The following RASSF3 variants were observed in gnomAD, a reference collection of about 807,000 sequenced individuals.
RASSF3 encodes the protein ras association domain-containing protein 3.
In RASSF3, 19 loss-of-function variants were observed where a neutral mutation model predicts 19.9. The ratio of observed to expected loss-of-function variants is 0.96; its 90% CI spans 0.67 to 1.40. The LOEUF (loss-of-function observed/expected upper bound fraction) is 1.40. Among genes scored for constraint, RASSF3 ranks in the 40% most tolerant of loss-of-function variants. The probability of loss-of-function intolerance (pLI) is 0.00; values close to 1 mark genes in which losing one functional copy is unlikely to be tolerated. For missense variants in RASSF3, 306 were observed against 289.8 expected, an observed-to-expected ratio of 1.06 and a Z score of -0.41; for synonymous variants, 110 against 104.2, an observed-to-expected ratio of 1.06 and a Z score of -0.34.
chr12:64,665,066 G>A lies in RASSF3; in HGVS notation c.112-19721G>A, dbSNP rs76314924. Among the ~76,000 whole-genome samples the A allele has an allele frequency of 7.7e-4, 117 of 152,262 alleles. 2 individuals are homozygous for A. In the East Asian group the frequency reaches 0.019, roughly 25 times the overall value. The stretch of plus-strand genomic sequence containing the variant: ...AAAAGTCAGAGTTCAGGATGAAAAG[G>A]TATGAAGTCCTCTGTTGGTCATAGT... On this transcript the variant is annotated intron_variant, in intron 1 of 4. Transcript: ENST00000542104.
intron 3 of RASSF3, 96 bp from the exon 4 acceptor site, chr12:64,691,374 G>C: frequency 1.2e-6 from 1 of 805,408 alleles, no homozygotes; most frequent in East Asian, 2.6e-5. Flanking sequence ...GGGTAACTTG[G>C]ATGGTTACCT....
At chr12:64,604,637 C>CTT (rs781319836) in intron 2 of RASSF3, among the ~76,000 whole-genome samples, 3 of 145,590 alleles carry the variant, frequency 2.1e-5, no homozygotes, top group Admixed American at 6.8e-5. Flanking sequence ...GTAACCAACT[C>CTT]TTTTTTTTTT....
At position 64,625,445 on chromosome 12, in the gene RASSF3, C is replaced by CTT. The variant is rs398044420; in HGVS notation, c.111+14715_111+14716dup. Among the ~76,000 whole-genome samples, 27 of 144,888 alleles carry CTT rather than the reference C, an allele frequency of 1.9e-4. No individual in the cohort carries two copies. In the East Asian group the frequency reaches 3.0e-3, roughly 16 times the overall value. On this transcript the variant is annotated intron_variant, in intron 1 of 4. Coordinates refer to ENST00000542104, the MANE Select transcript of RASSF3 (RefSeq NM_178169.4). ...TATGTATAAGTTAACACATTGTACA[C>CTT]TTTTTTTTTTTTTTAAACTTCCTCT...
At chr12:64,610,823 G>T in intron 1 of RASSF3, 80 bp downstream of exon 1, 3 of 834,584 alleles carry the variant, frequency 3.6e-6, no homozygotes, top group Non-Finnish European at 5.3e-6. Context: ...CTGCCTCCAC[G>T]TGTCTCTGCG....
intron 2 of RASSF3, among the ~76,000 whole-genome samples, chr12:64,558,411 A>G (rs570818894): frequency 6.6e-6 from 1 of 152,204 alleles, no homozygotes; most frequent in South Asian, 2.1e-4. Context: ...AAAAATTTTC[A>G]TACTCCATGG....
chr12:64,677,289 T>C (rs1393895370), intron 1 of RASSF3, among the ~76,000 whole-genome samples: 1 of 152,238 alleles, frequency 6.6e-6, no homozygotes. Context: ...TTTCCTCCAC[T>C]GCAGAAAATA....
intron 3 of RASSF3, among the ~76,000 whole-genome samples, chr12:64,688,700 TGTG>T (rs1374135131): frequency 1.3e-5 from 2 of 151,792 alleles, no homozygotes; most frequent in Non-Finnish European, 2.9e-5. Context: ...ACGAGTATTT[TGTG>T]GTGTTGGTGG....
At chr12:64,678,664 A>AAC (rs1555216123) in intron 1 of RASSF3, among the ~76,000 whole-genome samples, 1 of 151,020 alleles carries the variant, frequency 6.6e-6, no homozygotes, top group African/African-American at 2.4e-5. Context: ...AAAAAAAAAA[A>AAC]ACCAAACAAA....
At chr12:64,541,285 C>T (rs1396055208) in intron 1 of RASSF3, among the ~76,000 whole-genome samples, 2 of 152,066 alleles carry the variant, frequency 1.3e-5, no homozygotes, top group Non-Finnish European at 2.9e-5. Context: ...AGCGCCCGGC[C>T]AATGTTGTCT....
chr12:64,655,881 G>A (rs749173706), intron 1 of RASSF3, among the ~76,000 whole-genome samples: 1 of 151,782 alleles, frequency 6.6e-6, no homozygotes, highest in Non-Finnish European at 1.5e-5. Flanking sequence ...ATGAAAATTA[G>A]CCGGGCGTGA....
At chr12:64,585,808 G>A (rs1286740769) in intron 2 of RASSF3, among the ~76,000 whole-genome samples, 1 of 151,848 alleles carries the variant, frequency 6.6e-6, no homozygotes, top group Non-Finnish European at 1.5e-5. Flanking sequence ...GTCTCACCAC[G>A]TTGTCCAGGC....
In RASSF3 at chr12:64,651,506, C is replaced by A. The variant is rs534914965; in HGVS notation, c.112-33281C>A. On this transcript the variant is annotated intron_variant, in intron 1 of 4. Transcript: ENST00000542104. ...TCCCATGTAGCTGGGATTACAGGCG[C>A]CTGCCACCACACCCGGGTGATTTTT... 1.3e-4 allele frequency among the ~76,000 whole-genome samples: 20 copies of A among 152,112 alleles called. No homozygotes were observed. In the East Asian group the frequency reaches 1.4e-3, roughly 10 times the overall value.
chr12:64,585,758 G>A (rs1249887746), intron 2 of RASSF3, among the ~76,000 whole-genome samples: 3 of 151,924 alleles, frequency 2.0e-5, no homozygotes, highest in African/African-American at 7.2e-5. Context: ...GCATGTGCCA[G>A]CAAGCCTGGT....
At chr12:64,639,830 C>T (rs1871452373) in intron 1 of RASSF3, among the ~76,000 whole-genome samples, 2 of 152,192 alleles carry the variant, frequency 1.3e-5, no homozygotes, top group South Asian at 2.1e-4. Flanking sequence ...CTTCTCCAAA[C>T]ACTTAACTAC....
chr12:64,653,101 C>G (rs1872022297), intron 1 of RASSF3, among the ~76,000 whole-genome samples: 1 of 152,188 alleles, frequency 6.6e-6, no homozygotes, highest in Non-Finnish European at 1.5e-5. Context: ...TAGGGTCTCA[C>G]TGTGTCACCC....
At chr12:64,642,846 T>C (rs1400580244) in intron 1 of RASSF3, among the ~76,000 whole-genome samples, 3 of 151,452 alleles carry the variant, frequency 2.0e-5, no homozygotes, top group Non-Finnish European at 4.4e-5. Flanking sequence ...TTTATGACTT[T>C]GGGCAAGTTT....
At chr12:64,582,895 A>G (rs1363284922) in intron 2 of RASSF3, among the ~76,000 whole-genome samples, 1 of 152,014 alleles carries the variant, frequency 6.6e-6, no homozygotes. Flanking sequence ...TTATTTTCTC[A>G]TTTCTCACAT....
intron 2 of RASSF3, among the ~76,000 whole-genome samples, chr12:64,572,111 T>TTG (rs71278247): frequency 0.056 from 8,523 of 151,110 alleles, 276 homozygotes; most frequent in Middle Eastern, 0.089. Flanking sequence ...AATTGTAGAC[T>TTG]TGTGTGTGTG....
chr12:64,694,178 G>C (rs1868322629), intron 4 of RASSF3, among the ~76,000 whole-genome samples: 1 of 152,148 alleles, frequency 6.6e-6, no homozygotes, highest in African/African-American at 2.4e-5. Flanking sequence ...TCTAAGCAGG[G>C]GAGAGTCTTG....
Sources: allele counts gnomAD v4.1 joint callset (sites outside exome capture counted in the v4.1 genomes callset), GRCh38; gene constraint gnomAD v4.1.1; transcripts MANE v1.5; gene names NCBI Gene and HGNC (gene_info 2026-07-23, HGNC 2026-07-21).